The following ARHGEF6 variants were observed in gnomAD, a reference collection of about 807,000 sequenced individuals.
The protein encoded by ARHGEF6 is Rac/Cdc42 guanine nucleotide exchange factor 6, also known as rho guanine nucleotide exchange factor 6.
A neutral mutation model predicts 70.3 loss-of-function variants in ARHGEF6; 9 were observed. That is an observed-to-expected ratio of 0.13 (90% CI 0.08 to 0.22). The LOEUF (loss-of-function observed/expected upper bound fraction) is 0.22. ARHGEF6 is among the 10% of genes least tolerant of loss of function. ARHGEF6 has a pLI of 1.00. For synonymous variants in ARHGEF6, 201 were observed against 207.8 expected (o/e 0.97, Z 0.28); for missense variants, 470 against 563.0 (o/e 0.83, Z 1.67).
chrX:136,719,360 CAAT>C (rs1381231061), intron 6 of ARHGEF6, among the ~76,000 whole-genome samples: 1 of 111,302 alleles, frequency 9.0e-6, no homozygotes, highest in Non-Finnish European at 1.9e-5. Flanking sequence ...AACTAGAAAT[CAAT>C]AACAGAAAAA....
chrX:136,676,387 C>T (rs1330982415), intron 18 of ARHGEF6, among the ~76,000 whole-genome samples: 1 of 112,110 alleles, frequency 8.9e-6, no homozygotes, highest in Non-Finnish European at 1.9e-5. Context: ...GCAAAATACT[C>T]AACACAAAAA....
rs150446952 is a variant in ARHGEF6, at chrX:136,680,848, A to G, written c.1587T>C (p.His529=). ...TGNTVERIVV[H]CNNNQDFQEW... The stretch of plus-strand genomic sequence containing the variant: ...CCTGGAAGTCCTGGTTGTTGTTACA[A>G]TGGACCACAATTCTCTCCACTGTGT... The change falls in exon 15 of 22, where the codon CAT becomes CAC. Residue 529 remains histidine, a synonymous_variant. Coordinates refer to ENST00000250617, the MANE Select transcript of ARHGEF6 (RefSeq NM_004840.3). 40 of 1,210,171 alleles carry G rather than the reference A, an allele frequency of 3.3e-5. No individual in the cohort carries two copies. The African/African-American group carries it at 5.6e-4, about 17-fold the overall frequency.
At position 136,761,193 on chromosome X, in the gene ARHGEF6, T is replaced by C. The variant is rs1461228713; in HGVS notation, c.250-13601A>G. Among the ~76,000 whole-genome samples the C allele has an allele frequency of 4.5e-5, 5 of 112,136 alleles. No individual in the cohort carries two copies. The Admixed American group carries it at 4.7e-4, about 11-fold the overall frequency. On this transcript the variant is annotated intron_variant, in intron 2 of 21. Coordinates refer to ENST00000250617, the MANE Select transcript of ARHGEF6 (RefSeq NM_004840.3). ...TCCTGAGCTGTTATAAAGGAAACCA[T>C]ACACAAATTGTTTTCAGCAGTTAAA...
chrX:136,678,117 T>C (rs1282802870), intron 16 of ARHGEF6, among the ~76,000 whole-genome samples, 161 bp from the exon 17 acceptor site: 1 of 112,000 alleles, frequency 8.9e-6, no homozygotes, highest in Non-Finnish European at 1.9e-5. Context: ...TAGTTTCAGA[T>C]GCAATATTAT....
chrX:136,749,215 G>A (rs990437780), intron 2 of ARHGEF6, among the ~76,000 whole-genome samples: 7 of 111,921 alleles, frequency 6.3e-5, no homozygotes, highest in Non-Finnish European at 1.9e-5. Flanking sequence ...CAAAGCCTGG[G>A]TGAACAAGAG....
intron 6 of ARHGEF6, among the ~76,000 whole-genome samples, chrX:136,726,382 G>A (rs1009958189): frequency 2.7e-5 from 3 of 111,592 alleles, no homozygotes; most frequent in Non-Finnish European, 5.6e-5. Context: ...GAGCAGTATG[G>A]AGGAGTAAGA....
chrX:136,722,592 C>T (rs2076810195), intron 6 of ARHGEF6, among the ~76,000 whole-genome samples: 1 of 111,548 alleles, frequency 9.0e-6, no homozygotes, highest in African/African-American at 3.3e-5. Context: ...CTAATCAAAA[C>T]TACAATTAGA....
chrX:136,775,495 A>G lies in ARHGEF6; in HGVS notation c.249+3919T>C, dbSNP rs929803558. 1.6e-4 allele frequency among the ~76,000 whole-genome samples: 18 copies of G among 112,167 alleles called. 1 individual carries two copies. The highest frequency in any genetic ancestry group is 3.7e-4 in the South Asian group (1 of 2,700). ...GAAAAAGCATTTGACAAAATCCAGC[A>G]TCCCTTTATGATTAAAACCCTCCAC... On this transcript the variant is annotated intron_variant, in intron 2 of 21. Coordinates refer to ENST00000250617, the MANE Select transcript of ARHGEF6 (RefSeq NM_004840.3).
intron 6 of ARHGEF6, among the ~76,000 whole-genome samples, chrX:136,716,278 GT>G (rs980075493): frequency 1.8e-5 from 2 of 112,126 alleles, no homozygotes; most frequent in Non-Finnish European, 3.8e-5. Flanking sequence ...GATGCTAACT[GT>G]TATGGGGGAA....
intron 5 of ARHGEF6, among the ~76,000 whole-genome samples, chrX:136,734,460 T>C (rs957707833): frequency 6.2e-5 from 7 of 112,147 alleles, no homozygotes; most frequent in African/African-American, 2.3e-4. Flanking sequence ...CAATATGAAA[T>C]AGATCATTTG....
chrX:136,767,514 T>C, intron 2 of ARHGEF6: 5 of 754,933 alleles, frequency 6.6e-6, no homozygotes, highest in Non-Finnish European at 7.8e-6. Flanking sequence ...CCTCAAGTTC[T>C]TGTTGCCATA....
chrX:136,707,422 G>A (rs932296577), intron 8 of ARHGEF6, among the ~76,000 whole-genome samples: 12 of 112,064 alleles, frequency 1.1e-4, no homozygotes, highest in African/African-American at 3.9e-4. Context: ...AATCTTGGAG[G>A]CCTGGTGTTT....
chrX:136,780,133 T>C (rs1414257379), intron 1 of ARHGEF6, among the ~76,000 whole-genome samples: 14 of 112,270 alleles, frequency 1.2e-4, no homozygotes, highest in Non-Finnish European at 2.4e-4. Context: ...ATTAAAAATC[T>C]TGAATTGTTT....
intron 9 of ARHGEF6, among the ~76,000 whole-genome samples, chrX:136,694,186 G>A (rs1003906694): frequency 9.1e-6 from 1 of 109,900 alleles, no homozygotes; most frequent in Admixed American, 9.6e-5. Flanking sequence ...CTGGGTAGCC[G>A]GGACTACAGA....
At chrX:136,686,594 G>GTATATATATA (rs770923374) in intron 11 of ARHGEF6, among the ~76,000 whole-genome samples, 49 of 57,114 alleles carry the variant, frequency 8.6e-4, no homozygotes, top group Admixed American at 1.8e-3. Context: ...GTATGTGTGT[G>GTATATATATA]TATATATATA....
chrX:136,742,176 A>G (rs1185926401), intron 5 of ARHGEF6, among the ~76,000 whole-genome samples: 3 of 111,265 alleles, frequency 2.7e-5, no homozygotes, highest in Non-Finnish European at 5.7e-5. Flanking sequence ...AAATTTAGCC[A>G]GGCGTGGTGG....
chrX:136,747,683 G>A lies in ARHGEF6; in HGVS notation c.250-91C>T, dbSNP rs585356. 45,539 of 171,935 alleles carry A rather than the reference G, an allele frequency of 0.26. 3,588 individuals carry two copies. The highest frequency in any genetic ancestry group is 0.53 in the South Asian group (5,542 of 10,535). The allele number at this position is 171,935 out of a possible 1,213,427, so 14.2% of individuals were successfully genotyped here. ...AAAAGGCCACTTCCTCCAGCTCTCCGGAAAAAAAAAAAAAAAAAAAAAGTG... is the reference window on the plus strand; with the variant it reads ...AAAAGGCCACTTCCTCCAGCTCTCCAGAAAAAAAAAAAAAAAAAAAAAGTG... On this transcript the variant is annotated intron_variant, in intron 2 of 21. Coordinates refer to ENST00000250617, the MANE Select transcript of ARHGEF6 (RefSeq NM_004840.3).
At chrX:136,718,806 A>C (rs2076764719) in intron 6 of ARHGEF6, among the ~76,000 whole-genome samples, 1 of 110,581 alleles carries the variant, frequency 9.0e-6, no homozygotes, top group African/African-American at 3.3e-5. Context: ...AAGGAACAAA[A>C]GAAATGAACA....
chrX:136,708,431 A>G (rs1263741127), intron 8 of ARHGEF6, among the ~76,000 whole-genome samples: 2 of 111,196 alleles, frequency 1.8e-5, no homozygotes, highest in Non-Finnish European at 3.8e-5. Flanking sequence ...CAGAAACAGC[A>G]AACTGATGTA....
Sources: gnomAD v4.1 joint callset for allele counts (sites outside exome capture counted in the v4.1 genomes callset) on GRCh38, gnomAD v4.1.1 for gene constraint, MANE v1.5 for transcripts, NCBI Gene and HGNC (gene_info 2026-07-23, HGNC 2026-07-21) for gene names.